Variants in PBX1 observed in about 807,000 individuals in gnomAD.
PBX1 encodes pre-B-cell leukemia transcription factor 1.
In PBX1, 6 loss-of-function variants were observed where a neutral mutation model predicts 53.4. The observed-to-expected ratio is 0.11, with a 90% CI of 0.06 to 0.22. PBX1 has a LOEUF of 0.22. PBX1 is among the 10% of genes least tolerant of loss of function. The probability of loss-of-function intolerance (pLI) is 1.00; values close to 1 mark genes in which losing one functional copy is unlikely to be tolerated. For synonymous variants in PBX1, 204 were observed against 212.3 expected, an observed-to-expected ratio of 0.96 and a Z score of 0.34; for missense variants, 251 against 551.4, an observed-to-expected ratio of 0.46 and a Z score of 5.46.
Position 164,559,891 on chromosome 1 carries a change from C to T in PBX1, c.69C>T (p.Ser23=), listed in dbSNP as rs1652904394. 6.4e-7 allele frequency: 1 copy of T among 1,550,702 alleles called. No individual in the cohort carries two copies. Among genetic ancestry groups the T allele is most frequent in the South Asian group, 1.2e-5 (1 of 83,990 alleles). The change falls in exon 1 of 9, where the codon TCC becomes TCT. Residue 23 remains serine (S), a synonymous_variant. Coordinates refer to ENST00000420696, the MANE Select transcript of PBX1 (RefSeq NM_002585.4). Reference sequence around the variant, plus strand: ...GGATGGCCGGACACCCCGGCCTGTCCCAGCACTTGCAGGATGGGGCCGGAG... The same window carrying T: ...GGATGGCCGGACACCCCGGCCTGTCTCAGCACTTGCAGGATGGGGCCGGAG... ...GVGMAGHPGL[S]QHLQDGAGGT...
At chr1:164,646,404 A>G (rs1446180895) in intron 2 of PBX1, among the ~76,000 whole-genome samples, 3 of 152,334 alleles carry the variant, frequency 2.0e-5, no homozygotes, top group Middle Eastern at 3.4e-3. Context: ...ATTGACAGCC[A>G]CATACATTAT....
intron 2 of PBX1, among the ~76,000 whole-genome samples, chr1:164,599,830 T>A (rs1306757443): frequency 1.3e-5 from 2 of 152,240 alleles, no homozygotes; most frequent in Admixed American, 6.5e-5. Flanking sequence ...AGCAAAGAGC[T>A]GGCTTTGTAC....
At chr1:164,794,953 A>G (rs763334117) in intron 3 of PBX1, among the ~76,000 whole-genome samples, 9 of 152,250 alleles carry the variant, frequency 5.9e-5, no homozygotes, top group Non-Finnish European at 1.0e-4. Flanking sequence ...GGTTGCCAGT[A>G]ATATGGAACT....
intron 2 of PBX1, among the ~76,000 whole-genome samples, chr1:164,750,145 GGTGTGTGTGTGTGTGT>G (rs10665357): frequency 7.1e-6 from 1 of 140,806 alleles, no homozygotes; most frequent in Non-Finnish European, 1.5e-5. Context: ...GGGGCTAGTT[GGTGTGTGTGTGTGTGT>G]GTGTGTGTGT....
chr1:164,718,941 C>T (rs1383808359), intron 2 of PBX1, among the ~76,000 whole-genome samples: 1 of 152,164 alleles, frequency 6.6e-6, no homozygotes, highest in African/African-American at 2.4e-5. Context: ...AGTCCCTCTC[C>T]TCCAAGTTGA....
chr1:164,628,915 T>G (rs1442016696), intron 2 of PBX1, among the ~76,000 whole-genome samples: 1 of 152,164 alleles, frequency 6.6e-6, no homozygotes, highest in Non-Finnish European at 1.5e-5. Context: ...TCTTTTTCTT[T>G]TTAAGTCTCC....
chr1:164,725,497 A>G (rs1322907887), intron 2 of PBX1, among the ~76,000 whole-genome samples: 2 of 151,864 alleles, frequency 1.3e-5, no homozygotes, highest in East Asian at 3.9e-4. Flanking sequence ...TGCTTCCCCT[A>G]ACTTGCTTCT....
intron 2 of PBX1, among the ~76,000 whole-genome samples, chr1:164,765,162 C>A (rs527659654): frequency 9.9e-5 from 15 of 152,252 alleles, no homozygotes; most frequent in African/African-American, 3.6e-4. Flanking sequence ...GAGGTGATGT[C>A]TTGACAAAAA....
At chr1:164,763,678 A>G (rs80083080) in intron 2 of PBX1, among the ~76,000 whole-genome samples, 4,626 of 152,292 alleles carry the variant, frequency 0.03, 126 homozygotes, top group East Asian at 0.11. Flanking sequence ...AATCTGGCTG[A>G]GGGCAAAGGC....
intron 2 of PBX1, among the ~76,000 whole-genome samples, chr1:164,638,754 A>G (rs1658940786): frequency 6.6e-6 from 1 of 152,204 alleles, no homozygotes; most frequent in South Asian, 2.1e-4. Flanking sequence ...GACATTCTTG[A>G]ATGAGGTCAC....
chr1:164,769,572 G>A (rs1667256054), intron 2 of PBX1, among the ~76,000 whole-genome samples: 1 of 152,170 alleles, frequency 6.6e-6, no homozygotes, highest in Admixed American at 6.5e-5. Flanking sequence ...TCTTGTGTGT[G>A]CTGTACAAAT....
intron 2 of PBX1, among the ~76,000 whole-genome samples, chr1:164,734,955 T>A (rs1665187204): frequency 6.6e-6 from 1 of 152,210 alleles, no homozygotes; most frequent in Non-Finnish European, 1.5e-5. Context: ...AAACAAAGAA[T>A]ACTCCAAATG....
chr1:164,673,465 CTTTTTTT>C (rs1171916726), intron 2 of PBX1, among the ~76,000 whole-genome samples: 2 of 109,406 alleles, frequency 1.8e-5, no homozygotes, highest in African/African-American at 4.0e-5. Flanking sequence ...AAATTACTAA[CTTTTTTT>C]TTTTTTTTTT....
intron 2 of PBX1, among the ~76,000 whole-genome samples, chr1:164,746,699 C>T (rs1396474984): frequency 2.0e-5 from 3 of 152,218 alleles, no homozygotes; most frequent in East Asian, 1.9e-4. Flanking sequence ...TGAGCCACCA[C>T]GCCTGGCCCT....
At chr1:164,655,403 G>T (rs1660106564) in intron 2 of PBX1, among the ~76,000 whole-genome samples, 1 of 152,160 alleles carries the variant, frequency 6.6e-6, no homozygotes, top group South Asian at 2.1e-4. Flanking sequence ...GTGAGCCACT[G>T]TGCCCGGCCT....
At chr1:164,669,446 G>A (rs74117968) in intron 2 of PBX1, among the ~76,000 whole-genome samples, 4,613 of 152,240 alleles carry the variant, frequency 0.03, 108 homozygotes, top group South Asian at 0.055. Context: ...TGGGGTGGGG[G>A]CACATTCTTC....
chr1:164,608,298 TC>T (rs932768722), intron 2 of PBX1, among the ~76,000 whole-genome samples: 4 of 152,158 alleles, frequency 2.6e-5, no homozygotes, highest in Admixed American at 2.6e-4. Flanking sequence ...GCTCGCAACA[TC>T]CTTTAGAAGG....
intron 2 of PBX1, among the ~76,000 whole-genome samples, chr1:164,697,719 C>T (rs1662872826): frequency 6.6e-6 from 1 of 152,158 alleles, no homozygotes; most frequent in Non-Finnish European, 1.5e-5. Context: ...TAAACTGTCA[C>T]AGAGTACTAC....
chr1:164,841,104 G>A (rs556002280), intron 8 of PBX1, among the ~76,000 whole-genome samples: 5 of 152,276 alleles, frequency 3.3e-5, no homozygotes, highest in African/African-American at 4.8e-5. Context: ...AGGAACACAC[G>A]CAATACAGCA....
Sources: gnomAD v4.1 joint callset for allele counts (sites outside exome capture counted in the v4.1 genomes callset) on GRCh38, gnomAD v4.1.1 for gene constraint, MANE v1.5 for transcripts, NCBI Gene and HGNC (gene_info 2026-07-23, HGNC 2026-07-21) for gene names.